Variants in FAF1 observed in about 807,000 individuals in gnomAD.
FAF1 encodes the protein Fas associated factor 1, also known as FAS-associated factor 1.
Under a neutral mutation model 92.5 loss-of-function variants are expected in FAF1, and 25 were observed. That is an observed-to-expected ratio of 0.27 (90% confidence interval 0.20 to 0.38). FAF1 has a LOEUF of 0.38. Among genes scored for constraint, FAF1 ranks in the 10% least tolerant of loss-of-function variants. The probability of loss-of-function intolerance (pLI) is 1.00; values close to 1 mark genes in which losing one functional copy is unlikely to be tolerated. For missense variants in FAF1, 636 were observed against 793.3 expected, an observed-to-expected ratio of 0.80 and a Z score of 2.38; for synonymous variants, 234 against 273.2, an observed-to-expected ratio of 0.86 and a Z score of 1.42.
At position 50,732,479 on chromosome 1, in the gene FAF1, T is replaced by C. The variant is rs1658968187; in HGVS notation, c.551+6384A>G. Among the ~76,000 whole-genome samples the C allele has an allele frequency of 2.0e-5, 3 of 152,206 alleles. No individual in the cohort carries two copies. The South Asian group carries it at 6.2e-4, about 32-fold the overall frequency. On this transcript the variant is annotated intron_variant, in intron 6 of 18. Transcript: ENST00000396153. ...TAGACTTGTGCATACAAGCCTGCAA[T>C]TGTCATATCTTCTTGGCAAATTGTC... is the stretch of plus-strand genomic sequence containing the variant.
chr1:50,475,368 T>C lies in FAF1; in HGVS notation c.1869+96A>G, dbSNP rs17106231. On this transcript the variant is annotated intron_variant, in intron 18 of 18. Coordinates refer to ENST00000396153, the MANE Select transcript of FAF1 (RefSeq NM_007051.3). The stretch of plus-strand genomic sequence containing the variant: ...GACTCCTGTTTGTCTTGTAGTTGCC[T>C]GCACCATGGGACTTTTCTTGAACTA... 9,204 of 912,742 alleles carry C rather than the reference T, an allele frequency of 0.01. 214 individuals carry two copies. Among genetic ancestry groups the C allele is most frequent in the Admixed American group, 0.029 (1,347 of 47,238 alleles). The allele number at this position is 912,742 out of a possible 1,614,324, so 56.5% of individuals were successfully genotyped here. A position where few individuals can be genotyped will look rare whatever the true frequency, so the allele number is the denominator to read the frequency against.
chr1:50,719,755 T>A (rs972485298), intron 6 of FAF1, among the ~76,000 whole-genome samples: 1 of 152,172 alleles, frequency 6.6e-6, no homozygotes, highest in African/African-American at 2.4e-5. Context: ...GTGACCAAGT[T>A]TCTGACTATC....
chr1:50,728,162 G>C (rs1479099954), intron 6 of FAF1, among the ~76,000 whole-genome samples: 1 of 152,122 alleles, frequency 6.6e-6, no homozygotes, highest in Non-Finnish European at 1.5e-5. Context: ...AAGCAAGATA[G>C]AGAGAGGGTA....
At chr1:50,672,387 C>T (rs1220179612) in intron 7 of FAF1, among the ~76,000 whole-genome samples, 1 of 151,870 alleles carries the variant, frequency 6.6e-6, no homozygotes, top group Admixed American at 6.6e-5. Flanking sequence ...GATTTATTAA[C>T]ATTTGGAGCA....
chr1:50,777,658 G>C (rs1661013101), intron 4 of FAF1, among the ~76,000 whole-genome samples: 1 of 150,752 alleles, frequency 6.6e-6, no homozygotes, highest in Admixed American at 6.6e-5. Flanking sequence ...TAAGAATGCA[G>C]ATGGCTACCA....
intron 18 of FAF1, among the ~76,000 whole-genome samples, chr1:50,473,180 C>T (rs988405692): frequency 1.3e-5 from 2 of 152,128 alleles, no homozygotes; most frequent in African/African-American, 4.8e-5. Flanking sequence ...TCACATTTCC[C>T]CAGTTTCCTT....
At chr1:50,682,319 G>A (rs553006433) in intron 7 of FAF1, among the ~76,000 whole-genome samples, 2 of 152,008 alleles carry the variant, frequency 1.3e-5, no homozygotes, top group Admixed American at 1.3e-4. Context: ...GAGCAACACA[G>A]GGAGACCCTG....
At chr1:50,582,522 A>G (rs893340010) in intron 12 of FAF1, 96 bp downstream of exon 12, 1 of 815,496 alleles carries the variant, frequency 1.2e-6, no homozygotes, top group African/African-American at 1.7e-5. Context: ...GGAAAAAAAC[A>G]AAAACAAAAA....
intron 8 of FAF1, among the ~76,000 whole-genome samples, chr1:50,647,465 T>G (rs552747899): frequency 7.9e-5 from 12 of 152,230 alleles, no homozygotes; most frequent in Admixed American, 2.0e-4. Flanking sequence ...TCTGCTATGA[T>G]TCTGGAGGCT....
intron 15 of FAF1, among the ~76,000 whole-genome samples, chr1:50,511,411 C>T (rs1647132448): frequency 6.6e-6 from 1 of 152,030 alleles, no homozygotes; most frequent in Non-Finnish European, 1.5e-5. Flanking sequence ...CCACCCAACC[C>T]AACAGGCCCC....
intron 1 of FAF1, among the ~76,000 whole-genome samples, chr1:50,920,383 T>C (rs962328156): frequency 6.6e-6 from 1 of 151,822 alleles, no homozygotes; most frequent in Non-Finnish European, 1.5e-5. Context: ...TCCCAAAAAG[T>C]GTAGGTACAG....
intron 7 of FAF1, among the ~76,000 whole-genome samples, chr1:50,674,860 CTATTTTATTT>C (rs60719405): frequency 0.019 from 2,734 of 143,768 alleles, 79 homozygotes; most frequent in African/African-American, 0.059. Context: ...TCACCTTGTA[CTATTTTATTT>C]TATTTTATTT....
At chr1:50,612,701 C>G (rs1652735809) in intron 8 of FAF1, among the ~76,000 whole-genome samples, 1 of 152,230 alleles carries the variant, frequency 6.6e-6, no homozygotes, top group Non-Finnish European at 1.5e-5. Flanking sequence ...TGCTGGGCAT[C>G]TTGTCCTGGC....
intron 13 of FAF1, among the ~76,000 whole-genome samples, chr1:50,541,686 C>A (rs141879506): frequency 6.6e-6 from 1 of 151,504 alleles, no homozygotes; most frequent in African/African-American, 2.4e-5. Flanking sequence ...CCCATAAGTG[C>A]TATTAAGTAC....
chr1:50,627,666 A>G (rs1324910887), intron 8 of FAF1, among the ~76,000 whole-genome samples: 2 of 152,064 alleles, frequency 1.3e-5, no homozygotes, highest in African/African-American at 2.4e-5. Flanking sequence ...AAACTAATCT[A>G]TGGTCTTATC....
chr1:50,724,565 G>T (rs1658567258), intron 6 of FAF1, among the ~76,000 whole-genome samples: 1 of 152,154 alleles, frequency 6.6e-6, no homozygotes, highest in Admixed American at 6.5e-5. Flanking sequence ...TCAGGCTTCT[G>T]CCTCTGTTCA....
chr1:50,529,881 A>G (rs1648048938), intron 15 of FAF1, among the ~76,000 whole-genome samples: 1 of 152,182 alleles, frequency 6.6e-6, no homozygotes, highest in Admixed American at 6.6e-5. Flanking sequence ...GAATACATAA[A>G]TCAAAGTGAG....
Position 50,443,000 on chromosome 1 carries a change from G to A in FAF1, c.1870-1477C>T, listed in dbSNP as rs145109262. Among the ~76,000 whole-genome samples the A allele has an allele frequency of 8.7e-4, 132 of 152,246 alleles. 2 individuals are homozygous for A. The highest frequency in any genetic ancestry group is 7.6e-3 in the Admixed American group (116 of 15,292). ...CCAATGCACTGAGGGGCAAGCTGCT[G>A]GCAAATGTTTACCCACTTCCCCAAT... On this transcript the variant is annotated intron_variant, in intron 18 of 18. Coordinates refer to ENST00000396153, the MANE Select transcript of FAF1 (RefSeq NM_007051.3).
intron 1 of FAF1, among the ~76,000 whole-genome samples, chr1:50,928,514 T>C (rs1411072825): frequency 6.6e-6 from 1 of 152,172 alleles, no homozygotes; most frequent in African/African-American, 2.4e-5. Context: ...CCAGGCGCAG[T>C]GGCTCATGCC....
Sources: allele counts gnomAD v4.1 joint callset (sites outside exome capture counted in the v4.1 genomes callset), GRCh38; gene constraint gnomAD v4.1.1; transcripts MANE v1.5; gene names NCBI Gene and HGNC (gene_info 2026-07-23, HGNC 2026-07-21).